The following ADAMTS18 variants were observed in gnomAD, a reference collection of about 807,000 sequenced individuals.
ADAMTS18 encodes A disintegrin and metalloproteinase with thrombospondin motifs 18.
Under a neutral mutation model 165.9 loss-of-function variants are expected in ADAMTS18, and 157 were observed. That is an observed-to-expected ratio of 0.95 (90% CI 0.83 to 1.08). The LOEUF is 1.08. ADAMTS18 is among the 50% of genes least tolerant of loss of function. The probability of loss-of-function intolerance (pLI) is 0.00; values close to 1 mark genes in which losing one functional copy is unlikely to be tolerated. For missense variants in ADAMTS18, 2,040 were observed against 1,534.0 expected (o/e 1.33, Z -5.51); for synonymous variants, 782 against 578.2 (o/e 1.35, Z -5.06).
intron 9 of ADAMTS18, 126 bp downstream of exon 9, chr16:77,355,814 C>T (rs911252877): frequency 8.8e-7 from 1 of 1,139,156 alleles, no homozygotes; most frequent in Non-Finnish European, 1.3e-6. Flanking sequence ...TTATCATCAT[C>T]ATTTGTCTTT....
intron 15 of ADAMTS18, among the ~76,000 whole-genome samples, chr16:77,320,317 GT>G (rs1341652543): frequency 1.3e-5 from 2 of 152,092 alleles, no homozygotes; most frequent in African/African-American, 2.4e-5. Flanking sequence ...TTCCAACTAT[GT>G]TTTCTGTGGA....
intron 12 of ADAMTS18, among the ~76,000 whole-genome samples, chr16:77,331,186 A>G (rs1215410654): frequency 6.6e-6 from 1 of 152,210 alleles, no homozygotes; most frequent in Non-Finnish European, 1.5e-5. Flanking sequence ...ATGCCCTATT[A>G]TAATGAGAGC....
chr16:77,408,188 A>G (rs2057416607), intron 3 of ADAMTS18, among the ~76,000 whole-genome samples: 3 of 152,176 alleles, frequency 2.0e-5, no homozygotes, highest in African/African-American at 4.8e-5. Context: ...ATTAAACTTT[A>G]AAAACACAAA....
intron 3 of ADAMTS18, among the ~76,000 whole-genome samples, chr16:77,371,206 C>T (rs970355470): frequency 6.0e-5 from 9 of 150,892 alleles, no homozygotes; most frequent in Non-Finnish European, 8.9e-5. Context: ...CAGAGCAAGA[C>T]TCTGACTCAA....
chr16:77,403,200 G>C (rs183025571), intron 3 of ADAMTS18, among the ~76,000 whole-genome samples: 1 of 152,266 alleles, frequency 6.6e-6, no homozygotes, highest in Admixed American at 6.5e-5. Context: ...AAGTGGGAAA[G>C]AAAATAATTA....
chr16:77,408,622 G>A (rs1027260783), intron 3 of ADAMTS18, among the ~76,000 whole-genome samples: 1 of 152,142 alleles, frequency 6.6e-6, no homozygotes, highest in African/African-American at 2.4e-5. Context: ...TCTATTGATT[G>A]CATGTATACA....
At chr16:77,361,428 T>C (rs902954687) in intron 7 of ADAMTS18, among the ~76,000 whole-genome samples, 1 of 152,180 alleles carries the variant, frequency 6.6e-6, no homozygotes, top group African/African-American at 2.4e-5. Flanking sequence ...AAGTAACTTC[T>C]AAAAAAGGCA....
At chr16:77,413,284 C>T (rs984255331) in intron 3 of ADAMTS18, among the ~76,000 whole-genome samples, 3 of 152,096 alleles carry the variant, frequency 2.0e-5, no homozygotes, top group African/African-American at 7.2e-5. Context: ...CAGGACTCAG[C>T]AAGGGAATAA....
At chr16:77,373,896 G>T (rs927645769) in intron 3 of ADAMTS18, among the ~76,000 whole-genome samples, 5 of 152,068 alleles carry the variant, frequency 3.3e-5, no homozygotes, top group African/African-American at 1.2e-4. Context: ...TATCTCTGAT[G>T]CATGCCACTT....
At chr16:77,430,284 T>G (rs780328230) in intron 3 of ADAMTS18, among the ~76,000 whole-genome samples, 1 of 152,142 alleles carries the variant, frequency 6.6e-6, no homozygotes, top group African/African-American at 2.4e-5. Flanking sequence ...AAAGAAAGAA[T>G]ACCGTGATTG....
intron 22 of ADAMTS18, among the ~76,000 whole-genome samples, chr16:77,288,901 A>C (rs1567453310): frequency 6.6e-6 from 1 of 152,186 alleles, no homozygotes; most frequent in Non-Finnish European, 1.5e-5. Context: ...CCTGGCCAAC[A>C]TGGTGAAACC....
intron 16 of ADAMTS18, among the ~76,000 whole-genome samples, chr16:77,312,389 C>T (rs1010128780): frequency 2.6e-5 from 4 of 152,164 alleles, no homozygotes; most frequent in Admixed American, 1.3e-4. Context: ...AGGCGCCCGC[C>T]ACCATGCCCA....
intron 7 of ADAMTS18, 83 bp from the exon 8 acceptor site, chr16:77,359,506 TAC>T (rs1198848820): frequency 3.4e-6 from 4 of 1,174,438 alleles, no homozygotes; most frequent in Admixed American, 2.0e-5. Flanking sequence ...CAAAATGTTC[TAC>T]ACAGTTTTAG....
At position 77,367,593 on chromosome 16, in the gene ADAMTS18, T is replaced by C. The variant is rs879934748; in HGVS notation, c.626A>G (p.Glu209Gly). The change falls in exon 4 of 23, where the codon GAG becomes GGG. Residue 209 changes from glutamate to glycine, a missense_variant. Physicochemically the swap from Glu to Gly is moderately conservative, Grantham distance 98. Coordinates refer to ENST00000282849, the MANE Select transcript of ADAMTS18 (RefSeq NM_199355.4). ...GTAGCCACGGTACCGCTGGATCTTC[T>C]CCTCTGCTGTCCTTTTGTACAGTAC... ...PHVLYKRTAEEKIQRYRGYPG... is the reference protein window; with the variant it reads ...PHVLYKRTAEGKIQRYRGYPG... 9.9e-6 allele frequency: 16 copies of C among 1,614,104 alleles called. No homozygotes were observed. In the African/African-American group the frequency reaches 2.1e-4, roughly 22 times the overall value.
intron 3 of ADAMTS18, among the ~76,000 whole-genome samples, chr16:77,429,930 T>C (rs1028500757): frequency 3.9e-5 from 6 of 152,172 alleles, no homozygotes; most frequent in Non-Finnish European, 8.8e-5. Flanking sequence ...TTAACTCTAC[T>C]TAACACAGAG....
chr16:77,416,398 G>A (rs150788177), intron 3 of ADAMTS18, among the ~76,000 whole-genome samples: 2 of 152,244 alleles, frequency 1.3e-5, no homozygotes, highest in East Asian at 3.9e-4. Flanking sequence ...ATGTCACCTT[G>A]AATTGTAATA....
At chr16:77,289,553 C>T (rs941168284) in intron 21 of ADAMTS18, 142 bp from the exon 22 acceptor site, 5 of 893,130 alleles carry the variant, frequency 5.6e-6, no homozygotes, top group Non-Finnish European at 7.0e-6. Context: ...CATGTGCTTA[C>T]AGTCCACAGC....
In ADAMTS18 at chr16:77,319,947, A is replaced by G. The variant is rs368602694; in HGVS notation, c.2434T>C (p.Phe812Leu). ...TCAAACGTGGTCCCAGCGAAGGGGA[A>G]CTCCCCAGGCCAGTCGATGCTCCAG... is the stretch of plus-strand genomic sequence containing the variant. ...GGWSIDWPGE[F>L]PFAGTTFEYQ... The change falls in exon 16 of 23, where the codon TTC (phenylalanine) becomes CTC (leucine). Residue 812 changes from phenylalanine to leucine, a missense_variant. By Grantham distance (22) the Phe-to-Leu change is conservative. Coordinates refer to ENST00000282849, the MANE Select transcript of ADAMTS18 (RefSeq NM_199355.4). 5.0e-6 allele frequency: 8 copies of G among 1,613,924 alleles called. No homozygotes were observed. Among genetic ancestry groups the G allele is most frequent in the Non-Finnish European group, 6.8e-6 (8 of 1,180,014 alleles).
chr16:77,287,385 G>C (rs116640923), intron 22 of ADAMTS18, among the ~76,000 whole-genome samples: 185 of 152,234 alleles, frequency 1.2e-3, no homozygotes, highest in African/African-American at 4.3e-3. Flanking sequence ...CCTCAACTTA[G>C]TAAACTGTAG....
Sources: gnomAD v4.1 joint callset for allele counts (sites outside exome capture counted in the v4.1 genomes callset) on GRCh38, gnomAD v4.1.1 for gene constraint, MANE v1.5 for transcripts, NCBI Gene and HGNC (gene_info 2026-07-23, HGNC 2026-07-21) for gene names.